Variants in H2BC4 observed in about 807,000 individuals in gnomAD.
The protein encoded by H2BC4 is H2B clustered histone 4, also known as histone H2B type 1-C/E/F/G/I.
A neutral mutation model predicts 6.2 loss-of-function variants in H2BC4; 10 were observed. The ratio of observed to expected loss-of-function variants is 1.61; its 90% CI spans 0.99 to 2.73. The LOEUF is 2.73. H2BC4 is among the 30% of genes most tolerant of loss of function. H2BC4 has a pLI of 0.00. For synonymous variants in H2BC4, 146 were observed against 70.7 expected, an observed-to-expected ratio of 2.07 and a Z score of -5.35; for missense variants, 176 against 168.7, an observed-to-expected ratio of 1.04 and a Z score of -0.24.
At chr6:26,121,196 A>G (rs978231052), downstream of H2BC4, among the ~76,000 whole-genome samples, 8 of 152,172 alleles carry the variant, frequency 5.3e-5, no homozygotes, top group Non-Finnish European at 7.4e-5. Flanking sequence ...ATCTTCAAAC[A>G]AAAACACCCC....
chr6:26,123,517 G>T lies in H2BC4; in HGVS notation c.*7C>A. The stretch of plus-strand genomic sequence containing the variant: ...GGGTTAGGTGTTAAGACGCTTACTT[G>T]GAATGTTTACTTGGAGCTGGTGTAC... On this transcript the variant is annotated 3_prime_UTR_variant, in exon 1 of 1. Coordinates refer to ENST00000396984, the MANE Select transcript of H2BC4 (RefSeq NM_003526.3). 6.2e-7 allele frequency: 1 copy of T among 1,614,194 alleles called. No individual in the cohort carries two copies. The highest frequency in any genetic ancestry group is 1.1e-5 in the South Asian group (1 of 91,090).
At chr6:26,118,269 G>A (rs564251115) in intron 1 of H2BC4, among the ~76,000 whole-genome samples, 74 of 152,202 alleles carry the variant, frequency 4.9e-4, no homozygotes, top group African/African-American at 1.7e-3. Context: ...AGTACAAATT[G>A]TCTCCAAGAA....
chr6:26,123,854 C>T lies in H2BC4; in HGVS notation c.51G>A (p.Lys17=), dbSNP rs1561955852. The T allele has an allele frequency of 2.5e-6, 4 of 1,614,110 alleles. No individual in the cohort carries two copies. The highest frequency in any genetic ancestry group is 3.4e-6 in the Non-Finnish European group (4 of 1,180,054). ...SAPAPKKGSK[K]AVTKAQKKDG... The stretch of plus-strand genomic sequence containing the variant: ...CTTTCTTCTGCGCTTTGGTCACTGC[C>T]TTCTTGGAGCCCTTCTTCGGGGCGG... The change falls in exon 1 of 1, where the codon AAG becomes AAA. Residue 17 remains lysine, a synonymous_variant. Coordinates refer to ENST00000396984, the MANE Select transcript of H2BC4 (RefSeq NM_003526.3).
At chr6:26,120,479 T>A (rs996289467), downstream of H2BC4, among the ~76,000 whole-genome samples, 2 of 152,134 alleles carry the variant, frequency 1.3e-5, no homozygotes, top group African/African-American at 4.8e-5. Context: ...CTCAATCTTA[T>A]TGCCAATTAG....
chr6:26,114,095 TC>T (rs1333451046), downstream of H2BC4, among the ~76,000 whole-genome samples: 6 of 152,134 alleles, frequency 3.9e-5, no homozygotes, highest in African/African-American at 1.4e-4. Context: ...GTAAACACTT[TC>T]TCAAAGAGTA....
rs368610585 is a variant in H2BC4, at chr6:26,123,890, G to C, written c.15C>G (p.Ala5=). ...CCTTCTTCGGGGCGGGAGCAGACTTGGCTGGCTCAGGCATCTTAAAACACC... is the reference window on the plus strand; with the variant it reads ...CCTTCTTCGGGGCGGGAGCAGACTTCGCTGGCTCAGGCATCTTAAAACACC... MPEP[A]KSAPAPKKGS... The change falls in exon 1 of 1, where the codon GCC becomes GCG. Residue 5 remains alanine, a synonymous_variant. Coordinates refer to ENST00000396984, the MANE Select transcript of H2BC4 (RefSeq NM_003526.3). The C allele has an allele frequency of 1.6e-4, 260 of 1,613,930 alleles. No individual in the cohort carries two copies. The highest frequency in any genetic ancestry group is 2.1e-4 in the Non-Finnish European group (249 of 1,179,982).
In H2BC4 at chr6:26,123,881, A is replaced by G; in HGVS notation, c.24T>C (p.Ala8=). The G allele has an allele frequency of 2.5e-6, 4 of 1,614,058 alleles. No individual in the cohort carries two copies. The highest frequency in any genetic ancestry group is 2.5e-6 in the Non-Finnish European group (3 of 1,180,022). The change falls in exon 1 of 1, where the codon GCT becomes GCC. Residue 8 remains alanine, a synonymous_variant. Transcript: ENST00000396984. ...TCTTGGAGCCCTTCTTCGGGGCGGG[A>G]GCAGACTTGGCTGGCTCAGGCATCT... MPEPAKS[A]PAPKKGSKKA...
At chr6:26,115,670 C>T (rs926132338) in intron 1 of H2BC4, among the ~76,000 whole-genome samples, 3 of 152,214 alleles carry the variant, frequency 2.0e-5, no homozygotes, top group African/African-American at 7.2e-5. Flanking sequence ...TGCTCTTACT[C>T]TGTTGCCTGC....
intron 1 of H2BC4, among the ~76,000 whole-genome samples, chr6:26,117,022 C>T (rs536082618): frequency 6.6e-6 from 1 of 152,114 alleles, no homozygotes; most frequent in East Asian, 1.9e-4. Context: ...ATATATCCTT[C>T]CAAATCTGGA....
Position 26,123,901 on chromosome 6 carries a change from G to C in H2BC4, c.4C>G (p.Pro2Ala). The C allele has an allele frequency of 6.2e-7, 1 of 1,613,448 alleles. No individual in the cohort carries two copies. Among genetic ancestry groups the C allele is most frequent in the Non-Finnish European group, 8.5e-7 (1 of 1,179,868 alleles). M[P>A]EPAKSAPAPK... is the part of the protein sequence containing the mutation. ...GCGGGAGCAGACTTGGCTGGCTCAG[G>C]CATCTTAAAACACCAGAAATGTGTC... The change falls in exon 1 of 1, where the codon CCT becomes GCT. Residue 2 changes from proline to alanine, a missense_variant. Pro to Ala is a conservative substitution (Grantham distance 27). Transcript: ENST00000396984.
downstream of H2BC4, among the ~76,000 whole-genome samples, chr6:26,122,514 G>T (rs1044427888): frequency 1.3e-5 from 2 of 152,170 alleles, no homozygotes; most frequent in African/African-American, 4.8e-5. Flanking sequence ...AGGCCACAAA[G>T]CGGCCTGCAG....
chr6:26,121,774 C>A (rs1198869095), downstream of H2BC4, among the ~76,000 whole-genome samples: 3 of 151,798 alleles, frequency 2.0e-5, no homozygotes, highest in South Asian at 4.2e-4. Context: ...ACCATTTAGG[C>A]CCGGCGCGGT....
At chr6:26,116,437 A>C (rs1763421108) in intron 1 of H2BC4, among the ~76,000 whole-genome samples, 1 of 152,212 alleles carries the variant, frequency 6.6e-6, no homozygotes, top group Non-Finnish European at 1.5e-5. Flanking sequence ...TCACACTAGT[A>C]ATCCCAACAA....
At position 26,123,503 on chromosome 6, in the gene H2BC4, T is replaced by TAA; in HGVS notation, c.*19_*20dup. On this transcript the variant is annotated 3_prime_UTR_variant, in exon 1 of 1. Coordinates refer to ENST00000396984, the MANE Select transcript of H2BC4 (RefSeq NM_003526.3). ...TAAAAGAGCCTTTGGGGTTAGGTGT[T>TAA]AAGACGCTTACTTGGAATGTTTACT... 6.2e-7 allele frequency: 1 copy of TAA among 1,614,204 alleles called. No individual in the cohort carries two copies. Among genetic ancestry groups the TAA allele is most frequent in the Non-Finnish European group, 8.5e-7 (1 of 1,180,018 alleles).
At chr6:26,115,578 T>C (rs774577897) in intron 1 of H2BC4, among the ~76,000 whole-genome samples, 1 of 152,150 alleles carries the variant, frequency 6.6e-6, no homozygotes, top group African/African-American at 2.4e-5. Context: ...ATAAAGAAGA[T>C]ACAGCGACGA....
downstream of H2BC4, chr6:26,123,450 C>G (rs1378602828): frequency 3.8e-6 from 6 of 1,579,416 alleles, no homozygotes; most frequent in African/African-American, 1.4e-5. Context: ...CTGGCCACAG[C>G]TCTTTTAGTG....
At chr6:26,118,225 G>A (rs1484937669) in intron 1 of H2BC4, among the ~76,000 whole-genome samples, 1 of 151,928 alleles carries the variant, frequency 6.6e-6, no homozygotes, top group Non-Finnish European at 1.5e-5. Flanking sequence ...AAAAAGTTAT[G>A]AGGGTAATTA....
chr6:26,113,180 GTTTA>G (rs907501005), downstream of H2BC4, among the ~76,000 whole-genome samples: 182 of 152,268 alleles, frequency 1.2e-3, no homozygotes, highest in African/African-American at 4.1e-3. Flanking sequence ...TCTCCTTCCA[GTTTA>G]TTTATTTTTC....
rs942484360 is a variant in H2BC4 at position 26,123,672 on chromosome 6, G to A, written c.233C>T (p.Ala78Val). Residue 78 changes from alanine (A) to valine (V), a missense_variant, in exon 1 of 1, where the codon GCT becomes GTT. Transcript: ENST00000396984. ...NDIFERIAGE[A>V]SRLAHYNKRS... The stretch of plus-strand genomic sequence containing the variant: ...CTTGTTGTAATGCGCCAGGCGGGAA[G>A]CCTCGCCCGCGATGCGCTCAAATAT... 6.2e-7 allele frequency: 1 copy of A among 1,614,286 alleles called. No homozygotes were observed. Among genetic ancestry groups the A allele is most frequent in the Non-Finnish European group, 8.5e-7 (1 of 1,180,054 alleles).
Sources: allele counts gnomAD v4.1 joint callset (sites outside exome capture counted in the v4.1 genomes callset), GRCh38; gene constraint gnomAD v4.1.1; transcripts MANE v1.5; gene names NCBI Gene and HGNC (gene_info 2026-07-23, HGNC 2026-07-21).